PLXNA3: variants seen among roughly 807,000 people sequenced by gnomAD.
The protein encoded by PLXNA3 is plexin-A3.
Under a neutral mutation model 118.8 loss-of-function variants are expected in PLXNA3, and 52 were observed. The observed-to-expected ratio is 0.44, with a 90% CI of 0.35 to 0.55. PLXNA3 has a LOEUF of 0.55. Among genes scored for constraint, PLXNA3 ranks in the 20% least tolerant of loss-of-function variants. The pLI is 0.01. For missense variants in PLXNA3, 1,660 were observed against 1,730.8 expected (o/e 0.96, Z 0.73); for synonymous variants, 925 against 762.4 (o/e 1.21, Z -3.51).
At position 154,460,198 on chromosome X, in the gene PLXNA3, C is replaced by T; in HGVS notation, c.15C>T (p.Cys5=). The change falls in exon 2 of 33, where the codon TGC becomes TGT. Residue 5 remains cysteine, a synonymous_variant. Transcript: ENST00000369682. ...GGCTGCCGGCCATGCCCTCTGTCTG[C>T]CTCCTCCTGCTGCTCTTCCTTGCCG... The part of the protein sequence containing the change: MPSV[C]LLLLLFLAVG... The T allele has an allele frequency of 8.3e-7, 1 of 1,204,845 alleles. No homozygotes were observed. The highest frequency in any genetic ancestry group is 1.1e-6 in the Non-Finnish European group (1 of 890,961).
chrX:154,467,896 C>T lies in PLXNA3; in HGVS notation c.3715C>T (p.Leu1239=), dbSNP rs2069117513. The T allele has an allele frequency of 8.3e-7, 1 of 1,209,549 alleles. No homozygotes were observed. The highest frequency in any genetic ancestry group is 1.1e-6 in the Non-Finnish European group (1 of 894,582). ...GLLLLAITAV[L]VAYKRKTQDA... is the part of the protein sequence containing the mutation. ...CCTGCTGCTGGCCATCACAGCCGTGCTGGTGGCCTACAAGCGCAAGACTCA... is the reference window on the plus strand; with the variant it reads ...CCTGCTGCTGGCCATCACAGCCGTGTTGGTGGCCTACAAGCGCAAGACTCA... The change falls in exon 21 of 33, where the codon CTG becomes TTG. Residue 1239 remains leucine, a synonymous_variant. Transcript: ENST00000369682.
rs1320722959 is a variant in PLXNA3 at position 154,474,086 on chromosome X, C to G, written c.*1401C>G. 8.9e-6 allele frequency: 1 copy of G among 111,913 alleles called. No individual in the cohort carries two copies. Among genetic ancestry groups the G allele is most frequent in the Non-Finnish European group, 1.9e-5 (1 of 53,190 alleles). 9.2% of individuals were successfully genotyped at this position (111,913 alleles called of 1,213,427 possible). A position where few individuals can be genotyped will look rare whatever the true frequency, so the allele number is the denominator to read the frequency against. On this transcript the variant is annotated 3_prime_UTR_variant, in exon 33 of 33. Transcript: ENST00000369682. Reference sequence around the variant, plus strand: ...GGTTGTGGCACCCATCATGGTGCACCTACCAAAGTCTTACTCCCAGGCCTG... The same window carrying G: ...GGTTGTGGCACCCATCATGGTGCACGTACCAAAGTCTTACTCCCAGGCCTG...
intron 31 of PLXNA3, 69 bp downstream of exon 31, chrX:154,471,386 A>T: frequency 1.7e-6 from 2 of 1,154,672 alleles, no homozygotes; most frequent in Non-Finnish European, 2.3e-6. Flanking sequence ...TGTGCGAGGC[A>T]GGCCAGCTAC....
intron 2 of PLXNA3, 124 bp from the exon 3 acceptor site, chrX:154,460,975 A>C: frequency 2.8e-6 from 2 of 721,434 alleles, no homozygotes; most frequent in Non-Finnish European, 4.1e-6. Context: ...TGCCCTCTGC[A>C]GCCTTTCTGG....
intron 17 of PLXNA3, 122 bp from the exon 18 acceptor site, chrX:154,466,935 C>A: frequency 1.2e-6 from 1 of 852,514 alleles, no homozygotes; most frequent in East Asian, 3.2e-5. Flanking sequence ...GCACAGTACC[C>A]GGCACCCACT....
chrX:154,458,749 G>A (rs2068883610), intron 1 of PLXNA3, among the ~76,000 whole-genome samples: 1 of 106,047 alleles, frequency 9.4e-6, no homozygotes. Flanking sequence ...CACGGTGGGG[G>A]GTGTGGGGGG....
In PLXNA3 at chrX:154,470,629, G is replaced by A; in HGVS notation, c.5156+18G>A. On this transcript the variant is annotated intron_variant, in intron 30 of 32. Transcript: ENST00000369682. ...AGCAACTGGTATCACCCCGTGCTGGGCTGCCAGCAGCCTGTCTGGAGACTG... is the reference window on the plus strand; with the variant it reads ...AGCAACTGGTATCACCCCGTGCTGGACTGCCAGCAGCCTGTCTGGAGACTG... 8.4e-7 allele frequency: 1 copy of A among 1,196,486 alleles called. No homozygotes were observed. Among genetic ancestry groups the A allele is most frequent in the Non-Finnish European group, 1.1e-6 (1 of 883,954 alleles).
rs782063979 is a variant in PLXNA3, at chrX:154,465,465, C to T, written c.2286C>T (p.Asp762=). Reference sequence around the variant, plus strand: ...ATGAGCATGGTGACACCGAGCTGGACTTTTCCGTGGTCTGGGATGGAGACT... The same window carrying T: ...ATGAGCATGGTGACACCGAGCTGGATTTTTCCGTGGTCTGGGATGGAGACT... ...EGDEHGDTEL[D]FSVVWDGDFP... is the part of the protein sequence containing the mutation. Residue 762 remains aspartate (D), a synonymous_variant, in exon 12 of 33, where the codon GAC becomes GAT. Coordinates refer to ENST00000369682, the MANE Select transcript of PLXNA3 (RefSeq NM_017514.5). The T allele has an allele frequency of 4.1e-6, 5 of 1,207,851 alleles. No homozygotes were observed. The Admixed American group carries it at 6.6e-5, about 16-fold the overall frequency.
In PLXNA3 at chrX:154,460,456, C is replaced by G. The variant is rs782208372; in HGVS notation, c.273C>G (p.Ala91=). ...TGCGCGTGTGTGCCCACCGCCTGGC[C>G]CCCGTGGACAACATCAACAAGCTGC... ...PSMRVCAHRL[A]PVDNINKLLL... Residue 91 remains alanine (A), a synonymous_variant, in exon 2 of 33, where the codon GCC becomes GCG. Coordinates refer to ENST00000369682, the MANE Select transcript of PLXNA3 (RefSeq NM_017514.5). 8.3e-7 allele frequency: 1 copy of G among 1,204,052 alleles called. No homozygotes were observed. Among genetic ancestry groups the G allele is most frequent in the Admixed American group, 2.2e-5 (1 of 45,701 alleles).
intron 26 of PLXNA3, 80 bp downstream of exon 26, chrX:154,469,295 C>T (rs1158370963): frequency 3.5e-6 from 4 of 1,154,159 alleles, no homozygotes; most frequent in Non-Finnish European, 4.7e-6. Context: ...TCCCGCTCCC[C>T]ACCTGAACCC....
rs1228236097 is a variant in PLXNA3, at chrX:154,469,971, C to T, written c.4796-6C>T. The T allele has an allele frequency of 5.0e-6, 6 of 1,208,223 alleles. No individual in the cohort carries two copies. The highest frequency in any genetic ancestry group is 6.7e-6 in the Non-Finnish European group (6 of 893,694). On this transcript the variant is annotated splice_region_variant and splice_polypyrimidine_tract_variant and intron_variant, in intron 28 of 32. Coordinates refer to ENST00000369682, the MANE Select transcript of PLXNA3 (RefSeq NM_017514.5). ...GCCTAAGGGTCACATGCATTCTCTG[C>T]TCCAGAGAGCTTGCTCCGCACGGCC...
At position 154,464,322 on chromosome X, in the gene PLXNA3, G is replaced by T. The variant is rs781823480; in HGVS notation, c.1828+9G>T. Reference sequence around the variant, plus strand: ...TCTTACCAGGGGGCATGGTCAGTGGGTTGGGGCTGCCCAGGATGGGGCAGA... The same window carrying T: ...TCTTACCAGGGGGCATGGTCAGTGGTTTGGGGCTGCCCAGGATGGGGCAGA... On this transcript the variant is annotated intron_variant, in intron 8 of 32. Coordinates refer to ENST00000369682, the MANE Select transcript of PLXNA3 (RefSeq NM_017514.5). The T allele has an allele frequency of 4.2e-6, 5 of 1,204,649 alleles. No homozygotes were observed. The South Asian group carries it at 7.1e-5, about 17-fold the overall frequency.
intron 3 of PLXNA3, 40 bp downstream of exon 3, chrX:154,461,678 C>T (rs978198132): frequency 4.3e-5 from 48 of 1,112,141 alleles, no homozygotes; most frequent in Admixed American, 7.2e-5. Flanking sequence ...TCTGCCCTGT[C>T]CCAGGTCTAC....
At position 154,461,476 on chromosome X, in the gene PLXNA3, C is replaced by T; in HGVS notation, c.972C>T (p.Gly324=). 1.7e-6 allele frequency: 2 copies of T among 1,211,852 alleles called. No homozygotes were observed. The highest frequency in any genetic ancestry group is 2.2e-6 in the Non-Finnish European group (2 of 895,438). ...EDVLFTIFSQ[G]QKNRASPPRQ... Reference sequence around the variant, plus strand: ...TCCTCTTCACCATCTTCTCTCAGGGCCAGAAGAACCGGGCCAGCCCACCCC... The same window carrying T: ...TCCTCTTCACCATCTTCTCTCAGGGTCAGAAGAACCGGGCCAGCCCACCCC... The change falls in exon 3 of 33, where the codon GGC becomes GGT. Residue 324 remains glycine, a synonymous_variant. Transcript: ENST00000369682.
At chrX:154,469,616 G>A (rs2069150577) in intron 27 of PLXNA3, 72 bp from the exon 28 acceptor site, 1 of 995,469 alleles carries the variant, frequency 1.0e-6, no homozygotes. Flanking sequence ...TCCCCTCCTG[G>A]GTGTGGGTGG....
chrX:154,466,000 C>T lies in PLXNA3; in HGVS notation c.2598C>T (p.Gly866=), dbSNP rs782311072. 3 of 1,210,973 alleles carry T rather than the reference C, an allele frequency of 2.5e-6. No individual in the cohort carries two copies. The Admixed American group carries it at 6.5e-5, about 26-fold the overall frequency. ...TRVTIVGENL[G]LLSREVGLRV... is the part of the protein sequence containing the mutation. The stretch of plus-strand genomic sequence containing the variant: ...TCACCATCGTGGGTGAGAACCTGGG[C>T]CTCTTGTCCCGAGAGGTGGGCCTGC... Residue 866 remains glycine (G), a synonymous_variant, in exon 14 of 33, where the codon GGC becomes GGT. Transcript: ENST00000369682.
In PLXNA3 at chrX:154,471,954, G is replaced by A. The variant is rs1005411564; in HGVS notation, c.5520+316G>A. 1.3e-4 allele frequency among the ~76,000 whole-genome samples: 15 copies of A among 112,629 alleles called. No homozygotes were observed. In the East Asian group the frequency reaches 1.9e-3, roughly 15 times the overall value. On this transcript the variant is annotated intron_variant, in intron 32 of 32. Coordinates refer to ENST00000369682, the MANE Select transcript of PLXNA3 (RefSeq NM_017514.5). The stretch of plus-strand genomic sequence containing the variant: ...GACATAGAGGTGTGGACTTTAGGAT[G>A]GAGTCTGGGCTGGACACATTTGCAA...
In PLXNA3 at chrX:154,473,058, C is replaced by T. The variant is rs781868608; in HGVS notation, c.*373C>T. 9.1e-5 allele frequency: 13 copies of T among 142,275 alleles called. No homozygotes were observed. Among genetic ancestry groups the T allele is most frequent in the Non-Finnish European group, 1.9e-4 (13 of 70,267 alleles). The allele number at this position is 142,275 out of a possible 1,213,427, so 11.7% of individuals were successfully genotyped here. On this transcript the variant is annotated 3_prime_UTR_variant, in exon 33 of 33. Transcript: ENST00000369682. ...GTGTCCCCCCACCGGATGTCGCCAC[C>T]CTCACTCACCTGCCTCTTCTTGAGC... is the stretch of plus-strand genomic sequence containing the variant.
Position 154,463,958 on chromosome X carries a change from C to T in PLXNA3, c.1555C>T (p.Arg519Cys), listed in dbSNP as rs1557205840. ...TGGCCCGACCCCGTGCAGGTGCTGC[C>T]GCGAAGGGGCCTGTCTGGGCGCCTC... ...GWCVLRHRCC[R>C]EGACLGASAP... Residue 519 changes from arginine to cysteine, a missense_variant, in exon 7 of 33, where the codon CGC (arginine) becomes TGC (cysteine). Physicochemically the swap from Arg to Cys is radical, Grantham distance 180. Transcript: ENST00000369682. 1.7e-6 allele frequency: 2 copies of T among 1,171,056 alleles called. No individual in the cohort carries two copies. The highest frequency in any genetic ancestry group is 3.2e-5 in the East Asian group (1 of 31,037).
Sources: gnomAD v4.1 joint callset for allele counts (sites outside exome capture counted in the v4.1 genomes callset) on GRCh38, gnomAD v4.1.1 for gene constraint, MANE v1.5 for transcripts, NCBI Gene and HGNC (gene_info 2026-07-23, HGNC 2026-07-21) for gene names.